TMEM117: variants seen among roughly 807,000 people sequenced by gnomAD.
TMEM117 encodes the protein transmembrane protein 117.
In TMEM117, 27 loss-of-function variants were observed where a neutral mutation model predicts 52.4. The ratio of observed to expected loss-of-function variants is 0.51; its 90% confidence interval spans 0.38 to 0.71. TMEM117 has a LOEUF of 0.71. Among genes scored for constraint, TMEM117 ranks in the 30% least tolerant of loss-of-function variants. The pLI is 0.00. For missense variants in TMEM117, 556 were observed against 630.5 expected, an observed-to-expected ratio of 0.88 and a Z score of 1.26; for synonymous variants, 215 against 206.3, an observed-to-expected ratio of 1.04 and a Z score of -0.36.
intron 5 of TMEM117, among the ~76,000 whole-genome samples, chr12:44,222,037 C>G (rs899785431): frequency 1.3e-5 from 2 of 152,052 alleles, no homozygotes; most frequent in African/African-American, 2.4e-5. Context: ...ACTTCTTTAC[C>G]TTACTTTATA....
At chr12:43,946,789 G>A (rs1169718310) in intron 3 of TMEM117, among the ~76,000 whole-genome samples, 1 of 152,196 alleles carries the variant, frequency 6.6e-6, no homozygotes, top group Non-Finnish European at 1.5e-5. Context: ...GACAATGAAA[G>A]AAGCAGGAGA....
At chr12:43,835,974 C>A (rs1030560322), upstream of TMEM117, 3 of 151,386 alleles carry the variant, frequency 2.0e-5, no homozygotes, top group Non-Finnish European at 3.0e-5. Context: ...GCGGACTTTG[C>A]GGCGGGAGCG....
chr12:44,188,039 G>A (rs2138334690), intron 4 of TMEM117, among the ~76,000 whole-genome samples: 1 of 152,248 alleles, frequency 6.6e-6, no homozygotes, highest in South Asian at 2.1e-4. Flanking sequence ...GGACACATTT[G>A]AAAGGGGGAT....
At chr12:44,002,822 TAAA>T (rs1565787878) in intron 3 of TMEM117, among the ~76,000 whole-genome samples, 2 of 151,864 alleles carry the variant, frequency 1.3e-5, no homozygotes, top group African/African-American at 4.8e-5. Flanking sequence ...AAGAGGAAGT[TAAA>T]GAAGACAAGA....
At chr12:44,088,209 A>C (rs1389041251) in intron 3 of TMEM117, among the ~76,000 whole-genome samples, 1 of 152,184 alleles carries the variant, frequency 6.6e-6, no homozygotes, top group Non-Finnish European at 1.5e-5. Context: ...TCCCAGCAAC[A>C]CTTTAGGAAT....
At chr12:44,144,573 A>T (rs987442247) in intron 4 of TMEM117, among the ~76,000 whole-genome samples, 4 of 152,164 alleles carry the variant, frequency 2.6e-5, no homozygotes, top group Admixed American at 2.6e-4. Flanking sequence ...ATTTCTATTG[A>T]TTGCTTCTTA....
intron 3 of TMEM117, among the ~76,000 whole-genome samples, chr12:44,072,235 C>T (rs1019232696): frequency 1.3e-5 from 2 of 151,982 alleles, no homozygotes; most frequent in African/African-American, 4.8e-5. Flanking sequence ...AATTAAGAGG[C>T]AACATACAGC....
downstream of TMEM117, among the ~76,000 whole-genome samples, chr12:44,393,615 A>G (rs994885150): frequency 2.7e-5 from 4 of 147,178 alleles, no homozygotes; most frequent in African/African-American, 7.7e-5. Context: ...ACAAACATCT[A>G]TAAACACCCA....
intron 2 of TMEM117, among the ~76,000 whole-genome samples, chr12:43,937,786 G>A (rs1314025228): frequency 1.3e-5 from 2 of 152,060 alleles, no homozygotes; most frequent in Non-Finnish European, 2.9e-5. Flanking sequence ...CTGTGTGCCA[G>A]GTACTATGCC....
chr12:43,915,131 C>G (rs573661861), intron 2 of TMEM117, among the ~76,000 whole-genome samples: 1 of 152,312 alleles, frequency 6.6e-6, no homozygotes, highest in South Asian at 2.1e-4. Flanking sequence ...TTAGTTCTTT[C>G]CAGGCATACA....
the TMEM117 span, chr12:43,806,280 G>A: frequency 2.0e-6 from 3 of 1,488,898 alleles, no homozygotes; most frequent in East Asian, 2.9e-5. Context: ...CCGGCGCTGA[G>A]TGCAGCCAGC....
intron 2 of TMEM117, among the ~76,000 whole-genome samples, chr12:43,934,831 T>G (rs1944924605): frequency 6.6e-6 from 1 of 152,190 alleles, no homozygotes; most frequent in African/African-American, 2.4e-5. Flanking sequence ...AATGGTACTC[T>G]TAGAGTACAA....
At chr12:43,962,734 C>T (rs978049165) in intron 3 of TMEM117, among the ~76,000 whole-genome samples, 5 of 152,048 alleles carry the variant, frequency 3.3e-5, no homozygotes, top group East Asian at 1.9e-4. Context: ...TCCTGGCTAA[C>T]GTGAAGAAAC....
intron 3 of TMEM117, among the ~76,000 whole-genome samples, chr12:44,063,244 A>G (rs1947167678): frequency 1.3e-5 from 2 of 152,202 alleles, no homozygotes; most frequent in South Asian, 2.1e-4. Context: ...TTGAAGCTAG[A>G]AGATGTTTTC....
intron 7 of TMEM117, among the ~76,000 whole-genome samples, chr12:44,382,214 C>T (rs1311568260): frequency 6.6e-6 from 1 of 152,138 alleles, no homozygotes; most frequent in Non-Finnish European, 1.5e-5. Context: ...CCTGAGGTAT[C>T]CTGTCTTCAT....
intron 3 of TMEM117, among the ~76,000 whole-genome samples, chr12:43,997,010 G>A (rs924196862): frequency 1.5e-4 from 23 of 152,170 alleles, no homozygotes; most frequent in African/African-American, 4.8e-4. Context: ...TTGTTCTGGC[G>A]GCTCAGTCTT....
At chr12:43,800,086 G>A in the TMEM117 span, among the ~76,000 whole-genome samples, 1 of 151,974 alleles carries the variant, frequency 6.6e-6, no homozygotes, top group African/African-American at 2.4e-5. Context: ...CTATCCACTA[G>A]ATTATATGAC....
At chr12:43,986,010 G>A (rs1414495407) in intron 3 of TMEM117, among the ~76,000 whole-genome samples, 3 of 151,970 alleles carry the variant, frequency 2.0e-5, no homozygotes, top group Non-Finnish European at 2.9e-5. Context: ...TATTTTTTTG[G>A]TCACACATTT....
chr12:44,080,712 T>C (rs929360225), intron 3 of TMEM117, among the ~76,000 whole-genome samples: 2 of 152,194 alleles, frequency 1.3e-5, no homozygotes, highest in African/African-American at 2.4e-5. Flanking sequence ...AGAAGAAGAA[T>C]ATTTTATGAC....
Sources: gnomAD v4.1 joint callset for allele counts (sites outside exome capture counted in the v4.1 genomes callset) on GRCh38, gnomAD v4.1.1 for gene constraint, MANE v1.5 for transcripts, NCBI Gene and HGNC (gene_info 2026-07-23, HGNC 2026-07-21) for gene names.